Variants in EHBP1 observed in about 807,000 individuals in gnomAD.
EHBP1 encodes EH domain-binding protein 1.
A neutral mutation model predicts 144.0 loss-of-function variants in EHBP1; 55 were observed. That is an observed-to-expected ratio of 0.38 (90% CI 0.31 to 0.48). The LOEUF (loss-of-function observed/expected upper bound fraction) is 0.48, where lower values mean the gene tolerates loss of function less well. EHBP1 is among the 20% of genes least tolerant of loss of function. The pLI is 0.98. For synonymous variants in EHBP1, 469 were observed against 472.7 expected (o/e 0.99, Z 0.10); for missense variants, 1,200 against 1,364.2 (o/e 0.88, Z 1.90).
intron 19 of EHBP1, among the ~76,000 whole-genome samples, chr2:63,033,471 G>C (rs1437386619): frequency 6.6e-6 from 1 of 151,978 alleles, no homozygotes; most frequent in South Asian, 2.1e-4. Context: ...ACATTTATAT[G>C]TATTTACTCT....
chr2:62,963,968 G>A (rs906847888), intron 14 of EHBP1, among the ~76,000 whole-genome samples: 1 of 152,146 alleles, frequency 6.6e-6, no homozygotes, highest in African/African-American at 2.4e-5. Flanking sequence ...CGTTTTAGAG[G>A]AGAAGAATGC....
chr2:62,901,168 G>GT (rs1441428530), intron 10 of EHBP1, among the ~76,000 whole-genome samples: 5 of 152,140 alleles, frequency 3.3e-5, no homozygotes, highest in Non-Finnish European at 7.4e-5. Flanking sequence ...AGATGTGTGA[G>GT]TAAGTGTTCC....
chr2:62,967,783 A>C (rs1294641241), intron 14 of EHBP1, among the ~76,000 whole-genome samples: 2 of 152,190 alleles, frequency 1.3e-5, no homozygotes, highest in Non-Finnish European at 2.9e-5. Flanking sequence ...ACTTTCCTGA[A>C]TCTCTAATCT....
At chr2:62,970,614 A>G (rs1350709523) in intron 14 of EHBP1, among the ~76,000 whole-genome samples, 6 of 152,170 alleles carry the variant, frequency 3.9e-5, no homozygotes, top group Non-Finnish European at 5.9e-5. Context: ...CCATGGCATC[A>G]TTTTTTGGCT....
intron 2 of EHBP1, among the ~76,000 whole-genome samples, chr2:62,729,349 A>G (rs1282636677): frequency 7.8e-6 from 1 of 128,288 alleles, no homozygotes; most frequent in Non-Finnish European, 1.6e-5. Context: ...TATAATATAT[A>G]TAATAATAAA....
chr2:62,752,266 G>A (rs1419652099), intron 3 of EHBP1, among the ~76,000 whole-genome samples: 3 of 152,192 alleles, frequency 2.0e-5, no homozygotes, highest in South Asian at 4.1e-4. Flanking sequence ...GGAGCAGGTT[G>A]TTCAGTTTCC....
intron 7 of EHBP1, among the ~76,000 whole-genome samples, chr2:62,840,291 G>A (rs1439013580): frequency 6.8e-6 from 1 of 146,018 alleles, no homozygotes; most frequent in Non-Finnish European, 1.5e-5. Context: ...GCCATATGTA[G>A]GAAGCTGAAA....
At chr2:62,781,760 A>G (rs978794724) in intron 5 of EHBP1, among the ~76,000 whole-genome samples, 2 of 152,204 alleles carry the variant, frequency 1.3e-5, no homozygotes, top group Non-Finnish European at 2.9e-5. Flanking sequence ...ACTTAACCAT[A>G]TGTTAAGTTA....
At chr2:62,683,658 CAAAAAAA>C (rs397936534) in intron 1 of EHBP1, among the ~76,000 whole-genome samples, 3 of 50,142 alleles carry the variant, frequency 6.0e-5, no homozygotes, top group East Asian at 5.2e-4. Flanking sequence ...GACTCCATCT[CAAAAAAA>C]AAAAAAAAAA....
At chr2:63,010,326 C>T (rs564433084) in intron 19 of EHBP1, among the ~76,000 whole-genome samples, 1 of 151,212 alleles carries the variant, frequency 6.6e-6, no homozygotes, top group Non-Finnish European at 1.5e-5. Context: ...AGCCTCATTC[C>T]CTTCTCTTAA....
chr2:62,717,876 G>A (rs1379697067), intron 2 of EHBP1, among the ~76,000 whole-genome samples: 1 of 152,156 alleles, frequency 6.6e-6, no homozygotes. Context: ...GGAGCAGAGA[G>A]AGCACGTATT....
At chr2:62,867,827 G>A (rs2050160366) in intron 9 of EHBP1, among the ~76,000 whole-genome samples, 1 of 152,142 alleles carries the variant, frequency 6.6e-6, no homozygotes, top group East Asian at 1.9e-4. Context: ...AGACAGTGTG[G>A]TATTAGTTTA....
intron 12 of EHBP1, 23 bp from the exon 13 acceptor site, chr2:62,948,237 T>C: frequency 6.6e-7 from 1 of 1,520,592 alleles, no homozygotes; most frequent in Non-Finnish European, 8.8e-7. Context: ...TCAATATATC[T>C]TTTGTTTTTC....
intron 10 of EHBP1, among the ~76,000 whole-genome samples, chr2:62,934,555 A>G (rs942230256): frequency 6.6e-6 from 1 of 152,226 alleles, no homozygotes; most frequent in African/African-American, 2.4e-5. Context: ...TTAGCATTAC[A>G]GCATCAGGTA....
At chr2:62,979,110 A>G in intron 14 of EHBP1, 78 bp from the exon 15 acceptor site, 1 of 1,432,368 alleles carries the variant, frequency 7.0e-7, no homozygotes, top group Non-Finnish European at 9.5e-7. Flanking sequence ...TAAACCAGTT[A>G]CTATCATGAT....
chr2:62,877,473 C>G (rs1323172786), intron 10 of EHBP1, among the ~76,000 whole-genome samples: 1 of 152,116 alleles, frequency 6.6e-6, no homozygotes, highest in Non-Finnish European at 1.5e-5. Context: ...TATTCAGAAC[C>G]TAAACTTGTC....
At chr2:62,717,871 A>G (rs1429447821) in intron 2 of EHBP1, among the ~76,000 whole-genome samples, 2 of 152,224 alleles carry the variant, frequency 1.3e-5, no homozygotes, top group Admixed American at 6.5e-5. Flanking sequence ...TTACAGGAGC[A>G]GAGAGAGCAC....
chr2:62,800,529 C>G (rs951929433), intron 5 of EHBP1, among the ~76,000 whole-genome samples: 1 of 152,050 alleles, frequency 6.6e-6, no homozygotes, highest in African/African-American at 2.4e-5. Context: ...TGGCAGTTGT[C>G]TGGAGACTAT....
chr2:62,956,403 A>G (rs1294334119), intron 14 of EHBP1, among the ~76,000 whole-genome samples: 2 of 152,180 alleles, frequency 1.3e-5, no homozygotes, highest in African/African-American at 4.8e-5. Context: ...TCTGTGCCAT[A>G]TAGCTAGGTA....
Sources: gnomAD v4.1 joint callset for allele counts (sites outside exome capture counted in the v4.1 genomes callset) on GRCh38, gnomAD v4.1.1 for gene constraint, MANE v1.5 for transcripts, NCBI Gene and HGNC (gene_info 2026-07-23, HGNC 2026-07-21) for gene names.